Variants in ZNF536 observed in about 807,000 individuals in gnomAD.
ZNF536 encodes zinc finger protein 536.
In ZNF536, 13 loss-of-function variants were observed where a neutral mutation model predicts 84.5. The observed-to-expected ratio is 0.15, with a 90% CI of 0.10 to 0.24. The LOEUF (loss-of-function observed/expected upper bound fraction) is 0.24, where lower values mean the gene tolerates loss of function less well. ZNF536 is among the 10% of genes least tolerant of loss of function. The probability of loss-of-function intolerance (pLI) is 1.00; values close to 1 mark genes in which losing one functional copy is unlikely to be tolerated. For synonymous variants in ZNF536, 811 were observed against 742.5 expected (o/e 1.09, Z -1.50); for missense variants, 1,536 against 1,747.5 (o/e 0.88, Z 2.16).
At chr19:30,679,892 G>C (rs1291984194) in intron 1 of ZNF536, among the ~76,000 whole-genome samples, 2 of 152,210 alleles carry the variant, frequency 1.3e-5, no homozygotes, top group African/African-American at 4.8e-5. Context: ...GGCCCACATC[G>C]GGAACTGGAG....
chr19:30,529,245 T>C (rs183045497), intron 2 of ZNF536, among the ~76,000 whole-genome samples: 7 of 152,306 alleles, frequency 4.6e-5, no homozygotes, highest in African/African-American at 1.7e-4. Flanking sequence ...ATCCCAAACA[T>C]ATTATATATA....
chr19:30,325,556 A>G (rs530320297), intron 2 of ZNF536, among the ~76,000 whole-genome samples: 2 of 152,334 alleles, frequency 1.3e-5, no homozygotes, highest in South Asian at 2.1e-4. Context: ...GGCTGAGGGC[A>G]GCGGAGAGGG....
At chr19:30,645,640 A>T (rs1486903554) in intron 1 of ZNF536, among the ~76,000 whole-genome samples, 1 of 152,216 alleles carries the variant, frequency 6.6e-6, no homozygotes, top group East Asian at 1.9e-4. Flanking sequence ...AGTTCAAATT[A>T]TTCTAATACT....
At chr19:30,701,380 AACACACAGACACACCCAAAC>A (rs1407492312) in intron 1 of ZNF536, among the ~76,000 whole-genome samples, 2 of 141,224 alleles carry the variant, frequency 1.4e-5, no homozygotes, top group Non-Finnish European at 3.1e-5. Flanking sequence ...CACAAACACA[AACACACAGACACACCCAAAC>A]ACACACAGAC....
chr19:30,482,549 T>TC (rs2054132354), intron 2 of ZNF536, among the ~76,000 whole-genome samples: 1 of 152,054 alleles, frequency 6.6e-6, no homozygotes, highest in Middle Eastern at 3.4e-3. Context: ...ATTCTTGCTT[T>TC]TTTTTTTCTG....
chr19:30,703,445 A>G (rs1378378411), intron 1 of ZNF536, among the ~76,000 whole-genome samples: 1 of 152,110 alleles, frequency 6.6e-6, no homozygotes, highest in Non-Finnish European at 1.5e-5. Context: ...CCTTCTGGCA[A>G]GAGGCCTCAC....
intron 1 of ZNF536, among the ~76,000 whole-genome samples, chr19:30,247,863 A>T (rs1168412446): frequency 2.0e-5 from 3 of 152,176 alleles, no homozygotes; most frequent in African/African-American, 7.2e-5. Flanking sequence ...GTAAATAAAC[A>T]TTAGCAAACC....
chr19:30,348,814 CTTTT>C (rs5827705), intron 2 of ZNF536, among the ~76,000 whole-genome samples: 1 of 132,664 alleles, frequency 7.5e-6, no homozygotes, highest in African/African-American at 2.7e-5. Context: ...TTTTTCTTTT[CTTTT>C]TTTTTTTTTA....
At chr19:30,229,578 G>GGGC (rs935203603) in intron 1 of ZNF536, among the ~76,000 whole-genome samples, 1 of 152,078 alleles carries the variant, frequency 6.6e-6, no homozygotes, top group Non-Finnish European at 1.5e-5. Flanking sequence ...TGGTGGGGGG[G>GGGC]GCTCAGCTTT....
chr19:30,612,202 A>G (rs1436626086), intron 1 of ZNF536, among the ~76,000 whole-genome samples: 2 of 152,172 alleles, frequency 1.3e-5, no homozygotes, highest in African/African-American at 4.8e-5. Flanking sequence ...AGAAATGGGA[A>G]ATTGTGAATG....
chr19:30,336,815 A>T (rs1373293889), intron 2 of ZNF536, among the ~76,000 whole-genome samples: 1 of 152,178 alleles, frequency 6.6e-6, no homozygotes, highest in East Asian at 1.9e-4. Context: ...TTCATATTCA[A>T]TTATGAATGA....
At chr19:30,703,173 G>A (rs1025551268) in intron 1 of ZNF536, among the ~76,000 whole-genome samples, 2 of 152,198 alleles carry the variant, frequency 1.3e-5, no homozygotes, top group African/African-American at 4.8e-5. Flanking sequence ...GACGATCAGG[G>A]AGGATCGAGC....
chr19:30,306,095 G>C (rs2046335003), intron 2 of ZNF536, among the ~76,000 whole-genome samples: 1 of 151,742 alleles, frequency 6.6e-6, no homozygotes, highest in African/African-American at 2.4e-5. Flanking sequence ...TAATTGTTTT[G>C]CCTTATTGGC....
chr19:30,484,625 T>G (rs1472393850), intron 2 of ZNF536, among the ~76,000 whole-genome samples: 1 of 151,784 alleles, frequency 6.6e-6, no homozygotes, highest in Non-Finnish European at 1.5e-5. Context: ...CCCATGAGCT[T>G]CTTGTTTCGT....
chr19:30,577,782 A>G (rs971259180), intron 1 of ZNF536, among the ~76,000 whole-genome samples: 3 of 152,254 alleles, frequency 2.0e-5, no homozygotes, highest in East Asian at 1.9e-4. Context: ...ATAAAGTACA[A>G]TAAGCACCAT....
rs533437711 is a variant in ZNF536 at position 30,250,517 on chromosome 19, G to A, written c.-190+21844G>A. ...GGCTGTCTGCCCTTTTGCTGAAGTC[G>A]GGTCTGCAAGGGTCTTGGGGAAAGT... On this transcript the variant is annotated intron_variant, in intron 1 of 5. Coordinates refer to the ZNF536 transcript ENST00000585628. 1.8e-4 allele frequency among the ~76,000 whole-genome samples: 27 copies of A among 152,252 alleles called. No individual in the cohort carries two copies. The South Asian group carries it at 5.2e-3, about 29-fold the overall frequency.
chr19:30,450,652 A>C (rs1215975157), intron 2 of ZNF536, among the ~76,000 whole-genome samples: 8 of 152,240 alleles, frequency 5.3e-5, no homozygotes, highest in Non-Finnish European at 1.5e-5. Flanking sequence ...TATATATTTA[A>C]AAAATCATTT....
At chr19:30,447,830 A>T (rs2052423569) in intron 2 of ZNF536, among the ~76,000 whole-genome samples, 1 of 152,180 alleles carries the variant, frequency 6.6e-6, no homozygotes, top group Non-Finnish European at 1.5e-5. Context: ...ACATGGAGTT[A>T]ACATTGACAG....
intron 1 of ZNF536, among the ~76,000 whole-genome samples, chr19:30,575,514 A>G (rs2076323063): frequency 1.3e-5 from 2 of 152,236 alleles, no homozygotes; most frequent in Non-Finnish European, 2.9e-5. Context: ...TTGCTCAGTC[A>G]TCCAGCAAAT....
Sources: allele counts gnomAD v4.1 joint callset (sites outside exome capture counted in the v4.1 genomes callset), GRCh38; gene constraint gnomAD v4.1.1; transcripts MANE v1.5; gene names NCBI Gene and HGNC (gene_info 2026-07-23, HGNC 2026-07-21).